Variants in LRRTM4 observed in about 807,000 individuals in gnomAD.
LRRTM4 encodes the protein leucine rich repeat transmembrane neuronal 4.
Under a neutral mutation model 47.6 loss-of-function variants are expected in LRRTM4, and 25 were observed. That is an observed-to-expected ratio of 0.53 (90% CI 0.38 to 0.73). The LOEUF is 0.73. Ranked by LOEUF, LRRTM4 falls within the 30% of genes least tolerant of loss-of-function variation. The probability of loss-of-function intolerance (pLI) is 0.00; values close to 1 mark genes in which losing one functional copy is unlikely to be tolerated. For missense variants in LRRTM4, 638 were observed against 713.4 expected, an observed-to-expected ratio of 0.89 and a Z score of 1.20; for synonymous variants, 311 against 269.5, an observed-to-expected ratio of 1.15 and a Z score of -1.51.
At chr2:76,892,314 C>T (rs888868372) in intron 3 of LRRTM4, among the ~76,000 whole-genome samples, 61 of 151,450 alleles carry the variant, frequency 4.0e-4, no homozygotes, top group African/African-American at 1.4e-3. Context: ...AGATATTTGG[C>T]TATTTGGTTA....
At chr2:77,040,409 T>C (rs1678987296) in intron 3 of LRRTM4, among the ~76,000 whole-genome samples, 1 of 151,344 alleles carries the variant, frequency 6.6e-6, no homozygotes, top group Non-Finnish European at 1.5e-5. Flanking sequence ...AATAAGGTCA[T>C]ATCATATGAA....
intron 3 of LRRTM4, among the ~76,000 whole-genome samples, chr2:77,465,108 A>C (rs917718869): frequency 1.3e-5 from 2 of 152,130 alleles, no homozygotes; most frequent in African/African-American, 4.8e-5. Flanking sequence ...GAAGTCCCAC[A>C]CTGTAATATA....
At chr2:76,809,385 G>C (rs1173705436) in intron 3 of LRRTM4, among the ~76,000 whole-genome samples, 2 of 152,106 alleles carry the variant, frequency 1.3e-5, no homozygotes, top group Non-Finnish European at 1.5e-5. Context: ...TCCCTTATCA[G>C]TTATGTCAGC....
chr2:77,066,948 A>T (rs190968493), intron 3 of LRRTM4, among the ~76,000 whole-genome samples: 188 of 152,272 alleles, frequency 1.2e-3, no homozygotes, highest in Non-Finnish European at 2.2e-3. Flanking sequence ...CACAAACCTA[A>T]TATCTTTGCT....
chr2:77,104,307 C>T (rs1283284178), intron 3 of LRRTM4, among the ~76,000 whole-genome samples: 1 of 152,158 alleles, frequency 6.6e-6, no homozygotes, highest in Non-Finnish European at 1.5e-5. Flanking sequence ...TCCAGGCCTT[C>T]CTGCTTCTGT....
intron 3 of LRRTM4, among the ~76,000 whole-genome samples, chr2:77,007,165 TAC>T (rs145356845): frequency 6.8e-4 from 102 of 150,558 alleles, no homozygotes; most frequent in African/African-American, 2.1e-3. Context: ...TATATATATA[TAC>T]ACACACACAC....
intron 3 of LRRTM4, among the ~76,000 whole-genome samples, chr2:76,804,246 C>T (rs1249403464): frequency 6.6e-6 from 1 of 152,128 alleles, no homozygotes; most frequent in Non-Finnish European, 1.5e-5. Context: ...TAGAAACAGG[C>T]ATTCTATTGT....
intron 3 of LRRTM4, among the ~76,000 whole-genome samples, chr2:77,344,073 T>A (rs1671472662): frequency 1.3e-5 from 2 of 151,934 alleles, no homozygotes; most frequent in Admixed American, 1.3e-4. Flanking sequence ...CTCTGATTTG[T>A]GCTTATAGAA....
At chr2:77,226,433 A>G (rs1309867630) in intron 3 of LRRTM4, among the ~76,000 whole-genome samples, 1 of 151,540 alleles carries the variant, frequency 6.6e-6, no homozygotes, top group Non-Finnish European at 1.5e-5. Flanking sequence ...TATGTTCCAT[A>G]TCCCCATTTA....
intron 3 of LRRTM4, among the ~76,000 whole-genome samples, chr2:77,289,155 T>C (rs1438152006): frequency 2.0e-5 from 3 of 152,062 alleles, no homozygotes; most frequent in African/African-American, 7.2e-5. Flanking sequence ...CATCAATATG[T>C]GAAAGGAGTT....
intron 3 of LRRTM4, among the ~76,000 whole-genome samples, chr2:77,244,095 T>C (rs534005101): frequency 3.7e-5 from 5 of 134,000 alleles, no homozygotes; most frequent in Non-Finnish European, 7.9e-5. Flanking sequence ...ACAAAGGACA[T>C]GAACTCATCA....
At chr2:76,991,555 T>G (rs1029894133) in intron 3 of LRRTM4, among the ~76,000 whole-genome samples, 4 of 151,714 alleles carry the variant, frequency 2.6e-5, no homozygotes, top group Non-Finnish European at 3.0e-5. Flanking sequence ...ACAAATTCCT[T>G]GAAATGCACA....
intron 3 of LRRTM4, among the ~76,000 whole-genome samples, chr2:76,968,217 C>T (rs1676091639): frequency 6.7e-6 from 1 of 149,708 alleles, no homozygotes. Context: ...TAATGATAAT[C>T]AAATTAGTGT....
chr2:77,168,312 T>C (rs1672948149), intron 3 of LRRTM4, among the ~76,000 whole-genome samples: 1 of 152,094 alleles, frequency 6.6e-6, no homozygotes, highest in Non-Finnish European at 1.5e-5. Flanking sequence ...TACCTGTATA[T>C]TGGGTAATTT....
intron 3 of LRRTM4, among the ~76,000 whole-genome samples, chr2:77,257,956 C>T (rs1675815384): frequency 6.6e-6 from 1 of 151,648 alleles, no homozygotes; most frequent in South Asian, 2.1e-4. Context: ...ATTAGCTGGG[C>T]GTGGTGGTGC....
chr2:77,223,217 TAA>T (rs1674695647), intron 3 of LRRTM4, among the ~76,000 whole-genome samples: 1 of 152,248 alleles, frequency 6.6e-6, no homozygotes, highest in African/African-American at 2.4e-5. Context: ...CTCAAAAATA[TAA>T]GAGTTATCTA....
intron 3 of LRRTM4, among the ~76,000 whole-genome samples, chr2:77,307,927 T>C (rs1285050717): frequency 8.2e-5 from 8 of 97,188 alleles, no homozygotes; most frequent in African/African-American, 3.2e-4. Flanking sequence ...TATAGATATA[T>C]CTATATATTA....
intron 3 of LRRTM4, among the ~76,000 whole-genome samples, chr2:77,095,407 A>G (rs1670778639): frequency 6.6e-6 from 1 of 152,142 alleles, no homozygotes; most frequent in African/African-American, 2.4e-5. Context: ...TTTAGTATAT[A>G]TCCAAAAGAA....
chr2:77,403,204 T>C (rs1674031147), intron 3 of LRRTM4, among the ~76,000 whole-genome samples: 3 of 151,970 alleles, frequency 2.0e-5, no homozygotes, highest in South Asian at 2.1e-4. Context: ...AATAATCAAT[T>C]TGCCTTCCTA....
Sources: allele counts gnomAD v4.1 joint callset (sites outside exome capture counted in the v4.1 genomes callset), GRCh38; gene constraint gnomAD v4.1.1; transcripts MANE v1.5; gene names NCBI Gene and HGNC (gene_info 2026-07-23, HGNC 2026-07-21).